Variants in PRIM2 observed in about 807,000 individuals in gnomAD.
PRIM2 encodes DNA primase large subunit.
Under a neutral mutation model 67.3 loss-of-function variants are expected in PRIM2, and 39 were observed. That is an observed-to-expected ratio of 0.58 (90% CI 0.45 to 0.76). PRIM2 has a LOEUF of 0.76. PRIM2 is among the 30% of genes least tolerant of loss of function. The pLI is 0.00. For synonymous variants in PRIM2, 143 were observed against 198.7 expected (o/e 0.72, Z 2.36); for missense variants, 398 against 598.7 (o/e 0.66, Z 3.50).
rs536306473 is a variant in PRIM2, at chr6:57,330,358, T to G, written c.459+4313T>G. 4.1e-5 allele frequency among the ~76,000 whole-genome samples: 5 copies of G among 121,834 alleles called. No individual in the cohort carries two copies. The East Asian group carries it at 1.1e-3, about 27-fold the overall frequency. 79.9% of individuals were successfully genotyped at this position (121,834 alleles called of 152,430 possible). ...AACCTTGCTGAACTTGTTTTTTTTTTTTGTTTTTGTTTTTTTGTTTTTTTG... is the reference window on the plus strand; with the variant it reads ...AACCTTGCTGAACTTGTTTTTTTTTGTTGTTTTTGTTTTTTTGTTTTTTTG... On this transcript the variant is annotated intron_variant, in intron 5 of 13. Transcript: ENST00000615550.
chr6:57,342,981 T>C (rs1474444492), intron 5 of PRIM2, among the ~76,000 whole-genome samples: 1 of 152,250 alleles, frequency 6.6e-6, no homozygotes, highest in African/African-American at 2.4e-5. Context: ...TGGTTGGTAA[T>C]TACTTTTCAG....
chr6:57,317,298 A>G (rs79921723), upstream of PRIM2, among the ~76,000 whole-genome samples: 2,239 of 152,290 alleles, frequency 0.015, 66 homozygotes, highest in African/African-American at 0.051. Context: ...TTTCCTCAAT[A>G]TAGGGAATAT....
chr6:57,544,321 C>G (rs1482796767), intron 10 of PRIM2, among the ~76,000 whole-genome samples: 1 of 151,946 alleles, frequency 6.6e-6, no homozygotes, highest in East Asian at 1.9e-4. Context: ...TGGCATGTCT[C>G]TGGTCAGGGA....
chr6:57,600,928 A>G (rs1263750051), intron 10 of PRIM2, among the ~76,000 whole-genome samples, 165 bp from the exon 11 acceptor site: 1 of 152,194 alleles, frequency 6.6e-6, no homozygotes, highest in Non-Finnish European at 1.5e-5. Context: ...TTTGTATCAT[A>G]AAGGACCTAA....
chr6:57,269,022 C>G, the PRIM2 span, among the ~76,000 whole-genome samples: 1 of 151,748 alleles, frequency 6.6e-6, no homozygotes, highest in Non-Finnish European at 1.5e-5. Context: ...TTTTCTTAAT[C>G]CAGTCTATCA....
intron 7 of PRIM2, among the ~76,000 whole-genome samples, chr6:57,413,027 G>T (rs1581880738): frequency 6.6e-6 from 1 of 151,966 alleles, no homozygotes; most frequent in Non-Finnish European, 1.5e-5. Context: ...GTTTTTTGTG[G>T]CTTCTATCAT....
At chr6:57,485,292 G>A in intron 7 of PRIM2, among the ~76,000 whole-genome samples, 1 of 152,000 alleles carries the variant, frequency 6.6e-6, no homozygotes, top group Non-Finnish European at 1.5e-5. Flanking sequence ...ATTCTATGAG[G>A]CCCTGCCCTT....
chr6:57,280,979 T>G, the PRIM2 span, among the ~76,000 whole-genome samples: 1 of 152,322 alleles, frequency 6.6e-6, no homozygotes, highest in South Asian at 2.1e-4. Context: ...AACCACAGTC[T>G]ACTCTCTATC....
chr6:57,269,191 T>C, the PRIM2 span, among the ~76,000 whole-genome samples: 6 of 151,730 alleles, frequency 4.0e-5, no homozygotes, highest in East Asian at 1.2e-3. Flanking sequence ...TAGTTCTAGA[T>C]CCCTGAGGAA....
intron 8 of PRIM2, among the ~76,000 whole-genome samples, chr6:57,520,842 T>TCATA (rs1774600337): frequency 1.3e-5 from 2 of 152,272 alleles, no homozygotes; most frequent in South Asian, 4.1e-4. Context: ...GAGGGAAACA[T>TCATA]AAAATAAAGT....
chr6:57,489,575 T>G (rs1773840456), intron 7 of PRIM2, among the ~76,000 whole-genome samples: 1 of 152,266 alleles, frequency 6.6e-6, no homozygotes, highest in Non-Finnish European at 1.5e-5. Flanking sequence ...AAGAAAAGGG[T>G]TAGATTATTT....
intron 10 of PRIM2, among the ~76,000 whole-genome samples, chr6:57,555,502 A>G (rs1421406066): frequency 4.9e-4 from 74 of 152,122 alleles, no homozygotes; most frequent in African/African-American, 1.8e-3. Flanking sequence ...CTTGTCTGGA[A>G]CTCCTGACCT....
At chr6:57,574,392 C>G (rs1775923924) in intron 10 of PRIM2, among the ~76,000 whole-genome samples, 1 of 152,150 alleles carries the variant, frequency 6.6e-6, no homozygotes, top group Non-Finnish European at 1.5e-5. Flanking sequence ...TTCAATAAGT[C>G]TACACTTTCC....
chr6:57,234,730 A>G, the PRIM2 span, among the ~76,000 whole-genome samples: 2 of 151,938 alleles, frequency 1.3e-5, no homozygotes, highest in African/African-American at 4.8e-5. Context: ...TCACTGTGTT[A>G]GCCAGGATGG....
At chr6:57,270,206 A>G in the PRIM2 span, among the ~76,000 whole-genome samples, 6 of 151,978 alleles carry the variant, frequency 3.9e-5, no homozygotes. Flanking sequence ...CATTGAATCT[A>G]TAAATTATCT....
chr6:57,439,816 A>G (rs564954936), intron 7 of PRIM2, among the ~76,000 whole-genome samples: 3 of 152,348 alleles, frequency 2.0e-5, no homozygotes, highest in South Asian at 2.1e-4. Context: ...TCATGCATCA[A>G]AAACACTGAA....
At chr6:57,579,309 T>C (rs1300626237) in intron 10 of PRIM2, among the ~76,000 whole-genome samples, 1 of 152,188 alleles carries the variant, frequency 6.6e-6, no homozygotes, top group Non-Finnish European at 1.5e-5. Context: ...TCCATGTTTT[T>C]TTTGTCCTTG....
chr6:57,249,040 T>C, the PRIM2 span, among the ~76,000 whole-genome samples: 2 of 152,240 alleles, frequency 1.3e-5, no homozygotes, highest in Non-Finnish European at 1.5e-5. Flanking sequence ...CACGTTAATA[T>C]ACTGGGGAAA....
chr6:57,480,311 A>G (rs1297977944), intron 7 of PRIM2, among the ~76,000 whole-genome samples: 2 of 152,204 alleles, frequency 1.3e-5, no homozygotes, highest in African/African-American at 2.4e-5. Context: ...ACAGTTTTAC[A>G]TACACAGGAA....
Sources: allele counts gnomAD v4.1 joint callset (sites outside exome capture counted in the v4.1 genomes callset), GRCh38; gene constraint gnomAD v4.1.1; transcripts MANE v1.5; gene names NCBI Gene and HGNC (gene_info 2026-07-23, HGNC 2026-07-21).